Variants in N4BP2 observed in about 807,000 individuals in gnomAD.
The protein encoded by N4BP2 is NEDD4-binding protein 2.
In N4BP2, 91 loss-of-function variants were observed where a neutral mutation model predicts 152.8. The observed-to-expected ratio is 0.60, with a 90% confidence interval of 0.50 to 0.71. The LOEUF (loss-of-function observed/expected upper bound fraction) is 0.71, where lower values mean the gene tolerates loss of function less well. Among genes scored for constraint, N4BP2 ranks in the 30% least tolerant of loss-of-function variants. N4BP2 has a pLI of 0.00. For missense variants in N4BP2, 1,923 were observed against 2,059.1 expected, an observed-to-expected ratio of 0.93 and a Z score of 1.28; for synonymous variants, 646 against 705.3, an observed-to-expected ratio of 0.92 and a Z score of 1.33.
At chr4:40,133,158 TTCTC>T (rs1719048981) in intron 13 of N4BP2, among the ~76,000 whole-genome samples, 1 of 152,240 alleles carries the variant, frequency 6.6e-6, no homozygotes, top group Admixed American at 6.5e-5. Flanking sequence ...ACTGATATCT[TTCTC>T]TTAAAATTTG....
chr4:40,180,578 C>T, the N4BP2 span, among the ~76,000 whole-genome samples: 2,263 of 152,266 alleles, frequency 0.015, 67 homozygotes, highest in African/African-American at 0.052. Context: ...TACTCATGCA[C>T]AATTCATTCA....
intron 2 of N4BP2, among the ~76,000 whole-genome samples, chr4:40,076,092 C>G (rs1712704380): frequency 1.3e-5 from 2 of 152,212 alleles, no homozygotes. Flanking sequence ...TCCCAAAGTG[C>G]TGGAATTAGA....
At chr4:40,060,771 T>G (rs982931367) in intron 1 of N4BP2, among the ~76,000 whole-genome samples, 1 of 151,414 alleles carries the variant, frequency 6.6e-6, no homozygotes, top group African/African-American at 2.4e-5. Context: ...CCTGGCTCAT[T>G]TTTAAAATTT....
chr4:40,175,533 A>G, the N4BP2 span, among the ~76,000 whole-genome samples: 4 of 152,054 alleles, frequency 2.6e-5, no homozygotes, highest in Non-Finnish European at 5.9e-5. Flanking sequence ...CAAAAGAAAA[A>G]CAACTGGCGG....
intron 2 of N4BP2, among the ~76,000 whole-genome samples, chr4:40,076,388 AT>A (rs1228047571): frequency 2.0e-5 from 3 of 152,022 alleles, no homozygotes; most frequent in African/African-American, 7.2e-5. Context: ...AGGTAGGAAA[AT>A]CACTTGAACC....
At chr4:40,147,937 C>T (rs1322936272) in intron 16 of N4BP2, among the ~76,000 whole-genome samples, 13 of 151,076 alleles carry the variant, frequency 8.6e-5, no homozygotes, top group African/African-American at 2.7e-4. Context: ...GATGGGCGGC[C>T]GGGCAGAGAC....
chr4:40,169,197 A>T, the N4BP2 span, among the ~76,000 whole-genome samples: 2,886 of 151,924 alleles, frequency 0.019, 89 homozygotes, highest in African/African-American at 0.065. Flanking sequence ...AGCCTGGCCA[A>T]CGTAGAGAAA....
At chr4:40,174,315 TGCAG>T in the N4BP2 span, among the ~76,000 whole-genome samples, 1 of 152,066 alleles carries the variant, frequency 6.6e-6, no homozygotes, top group African/African-American at 2.4e-5. Context: ...AGATGGAGGC[TGCAG>T]TGAGCCGTGA....
At chr4:40,167,438 A>C in the N4BP2 span, 1 of 152,240 alleles carries the variant, frequency 6.6e-6, no homozygotes, top group African/African-American at 2.4e-5. Flanking sequence ...AAGATTCCAG[A>C]CAGAAAGAAG....
At chr4:40,111,652 G>C (rs577119377) in intron 5 of N4BP2, among the ~76,000 whole-genome samples, 19 of 152,130 alleles carry the variant, frequency 1.2e-4, no homozygotes, top group Admixed American at 8.5e-4. Context: ...GTCTTACTCT[G>C]TTGCCCAGGC....
intron 13 of N4BP2, among the ~76,000 whole-genome samples, chr4:40,136,472 C>G (rs1273610630): frequency 6.6e-6 from 1 of 152,112 alleles, no homozygotes; most frequent in Non-Finnish European, 1.5e-5. Context: ...GCAACCTCTG[C>G]CTTCCGGGTT....
At position 40,102,203 on chromosome 4, in the gene N4BP2, C is replaced by T. The variant is rs766959829; in HGVS notation, c.358C>T (p.Arg120Cys). Reference protein sequence around the residue: ...GAAESKIMEKRPEEESEDSKM... With the variant: ...GAAESKIMEKCPEEESEDSKM... ...AGCAGAAAGTAAAATAATGGAAAAA[C>T]GTCCTGAAGAAGAGAGTGAAGATTC... is the stretch of plus-strand genomic sequence containing the variant. The change falls in exon 4 of 18, where the codon CGT becomes TGT. Residue 120 changes from arginine to cysteine, a missense_variant. Coordinates refer to ENST00000261435, the MANE Select transcript of N4BP2 (RefSeq NM_018177.6). 34 of 1,613,804 alleles carry T rather than the reference C, an allele frequency of 2.1e-5. No homozygotes were observed. The Admixed American group carries it at 3.2e-4, about 15-fold the overall frequency.
intron 2 of N4BP2, among the ~76,000 whole-genome samples, chr4:40,082,701 ATTC>A (rs1713509193): frequency 6.6e-6 from 1 of 151,314 alleles, no homozygotes; most frequent in African/African-American, 2.4e-5. Context: ...CACAGGCTGT[ATTC>A]TTTTTTTTTT....
At chr4:40,067,978 C>T (rs951219425) in intron 1 of N4BP2, among the ~76,000 whole-genome samples, 2 of 152,118 alleles carry the variant, frequency 1.3e-5, no homozygotes, top group Non-Finnish European at 2.9e-5. Flanking sequence ...CTGCACCTGG[C>T]CTGTTTTTTA....
intron 15 of N4BP2, among the ~76,000 whole-genome samples, chr4:40,143,168 G>T (rs1185522049): frequency 2.0e-5 from 3 of 151,728 alleles, no homozygotes; most frequent in East Asian, 1.9e-4. Context: ...CTGAGAGTGA[G>T]ATTAAAGGGG....
rs1407245536 is a variant in N4BP2, at chr4:40,157,183, A to C, written c.*2946A>C. 6.6e-6 allele frequency: 1 copy of C among 151,884 alleles called. No homozygotes were observed. The allele number at this position is 151,884 out of a possible 1,614,324, so 9.4% of individuals were successfully genotyped here. A position where few individuals can be genotyped will look rare whatever the true frequency, so the allele number is the denominator to read the frequency against. ...GTATTTTCAGTCTGTCCATCTCTTT[A>C]TTCCAATGTGAGAAATGGAAGTGTT... On this transcript the variant is annotated 3_prime_UTR_variant, in exon 18 of 18. Coordinates refer to ENST00000261435, the MANE Select transcript of N4BP2 (RefSeq NM_018177.6).
At chr4:40,106,173 A>AT (rs1333192516) in intron 4 of N4BP2, among the ~76,000 whole-genome samples, 1 of 152,254 alleles carries the variant, frequency 6.6e-6, no homozygotes, top group Non-Finnish European at 1.5e-5. Flanking sequence ...TCTTTGTAAC[A>AT]TTAAAAACAA....
At chr4:40,076,418 T>C (rs1015657914) in intron 2 of N4BP2, among the ~76,000 whole-genome samples, 2 of 152,006 alleles carry the variant, frequency 1.3e-5, no homozygotes, top group African/African-American at 2.4e-5. Flanking sequence ...AGAGGTAGCA[T>C]TGAGCTCAGA....
chr4:40,079,922 G>A (rs1713183036), intron 2 of N4BP2, among the ~76,000 whole-genome samples: 2 of 151,978 alleles, frequency 1.3e-5, no homozygotes, highest in Admixed American at 6.6e-5. Context: ...TATAATAGAG[G>A]TAGAAGAATT....
Sources: gnomAD v4.1 joint callset for allele counts (sites outside exome capture counted in the v4.1 genomes callset) on GRCh38, gnomAD v4.1.1 for gene constraint, MANE v1.5 for transcripts, NCBI Gene and HGNC (gene_info 2026-07-23, HGNC 2026-07-21) for gene names.